Variants in LMX1A observed in about 807,000 individuals in gnomAD.
LMX1A encodes LIM homeobox transcription factor 1-alpha.
LMX1A carries 15 observed loss-of-function variants against 49.1 expected under a neutral mutation model. That is an observed-to-expected ratio of 0.31 (90% CI 0.20 to 0.47). LMX1A has a LOEUF of 0.47. Ranked by LOEUF, LMX1A falls within the 20% of genes least tolerant of loss-of-function variation. The pLI is 1.00. For missense variants in LMX1A, 372 were observed against 475.8 expected, an observed-to-expected ratio of 0.78 and a Z score of 2.03; for synonymous variants, 167 against 185.7, an observed-to-expected ratio of 0.90 and a Z score of 0.82.
chr1:165,282,864 T>C (rs1654193574), intron 3 of LMX1A, among the ~76,000 whole-genome samples: 1 of 152,166 alleles, frequency 6.6e-6, no homozygotes, highest in Admixed American at 6.5e-5. Flanking sequence ...GCAGTCAGAG[T>C]AATCTTTTTA....
chr1:165,255,960 G>A (rs571419077), intron 3 of LMX1A, among the ~76,000 whole-genome samples: 55 of 151,144 alleles, frequency 3.6e-4, no homozygotes, highest in African/African-American at 8.1e-4. Context: ...CAACAAGAGC[G>A]AAACTCCGTC....
intron 3 of LMX1A, among the ~76,000 whole-genome samples, chr1:165,337,977 A>G (rs1485224301): frequency 6.6e-6 from 1 of 151,606 alleles, no homozygotes; most frequent in African/African-American, 2.4e-5. Flanking sequence ...GCTGTTGAGG[A>G]TTGATTCACC....
intron 4 of LMX1A, among the ~76,000 whole-genome samples, chr1:165,227,529 A>G (rs1652077034): frequency 6.7e-6 from 1 of 149,832 alleles, no homozygotes; most frequent in Non-Finnish European, 1.5e-5. Flanking sequence ...CAACAGAGTG[A>G]GACCCTATCT....
At chr1:165,314,505 T>A (rs1237329120) in intron 3 of LMX1A, among the ~76,000 whole-genome samples, 1 of 152,212 alleles carries the variant, frequency 6.6e-6, no homozygotes, top group African/African-American at 2.4e-5. Context: ...TGGTCCCCCA[T>A]CTTATTGACC....
At chr1:165,258,188 G>T (rs1653312457) in intron 3 of LMX1A, among the ~76,000 whole-genome samples, 1 of 152,252 alleles carries the variant, frequency 6.6e-6, no homozygotes, top group African/African-American at 2.4e-5. Flanking sequence ...CAGAGACAGG[G>T]ATTGGCCATA....
intron 3 of LMX1A, among the ~76,000 whole-genome samples, chr1:165,305,296 G>A (rs1056129167): frequency 2.6e-5 from 4 of 152,184 alleles, no homozygotes; most frequent in Non-Finnish European, 5.9e-5. Flanking sequence ...CAGGATCCTG[G>A]AGAAAGGGCC....
At chr1:165,262,812 C>A (rs1483730756) in intron 3 of LMX1A, among the ~76,000 whole-genome samples, 1 of 151,818 alleles carries the variant, frequency 6.6e-6, no homozygotes, top group East Asian at 1.9e-4. Context: ...TATCTGATGG[C>A]CTTTGTAGAA....
Position 165,356,708 on chromosome 1 carries a change from C to A in LMX1A, c.-376G>T. The A allele has an allele frequency of 6.6e-6, 1 of 152,432 alleles. No homozygotes were observed. The highest frequency in any genetic ancestry group is 1.5e-5 in the Non-Finnish European group (1 of 68,146). 9.4% of individuals were successfully genotyped at this position (152,432 alleles called of 1,614,324 possible). ...CCCTGCTTCGCCGGGGCGGATCCTGCAGCTTCTGACAGGGGCCGCGGCGCT... is the reference window on the plus strand; with the variant it reads ...CCCTGCTTCGCCGGGGCGGATCCTGAAGCTTCTGACAGGGGCCGCGGCGCT... On this transcript the variant is annotated 5_prime_UTR_variant, in exon 1 of 9. Coordinates refer to ENST00000342310, the MANE Select transcript of LMX1A (RefSeq NM_177398.4).
In LMX1A at chr1:165,262,522, A is replaced by C. The variant is rs192949521; in HGVS notation, c.264-12882T>G. Among the ~76,000 whole-genome samples the C allele has an allele frequency of 2.6e-3, 401 of 152,332 alleles. 4 individuals are homozygous for C. The highest frequency in any genetic ancestry group is 9.0e-3 in the African/African-American group (376 of 41,570). ...CTCTATTAAAATTAGTCAAGACAGA[A>C]TTATATGATGCCAAATGCAATCCTG... On this transcript the variant is annotated intron_variant, in intron 3 of 8. Coordinates refer to ENST00000342310, the MANE Select transcript of LMX1A (RefSeq NM_177398.4).
intron 3 of LMX1A, among the ~76,000 whole-genome samples, chr1:165,328,306 T>A (rs546355611): frequency 6.6e-6 from 1 of 152,344 alleles, no homozygotes; most frequent in Admixed American, 6.5e-5. Context: ...CATAAACAGA[T>A]CACATAAAGA....
chr1:165,205,623 C>T (rs1372487400), intron 8 of LMX1A, among the ~76,000 whole-genome samples: 1 of 152,166 alleles, frequency 6.6e-6, no homozygotes, highest in Non-Finnish European at 1.5e-5. Flanking sequence ...CACAACTTCC[C>T]ATTTAAAACC....
intron 3 of LMX1A, among the ~76,000 whole-genome samples, chr1:165,264,929 C>CGCG (rs1406209077): frequency 6.6e-6 from 1 of 151,794 alleles, no homozygotes; most frequent in Admixed American, 6.6e-5. Context: ...GAAGGCCGGG[C>CGCG]GCGGTGGCTC....
intron 3 of LMX1A, among the ~76,000 whole-genome samples, chr1:165,257,440 TA>T (rs35281158): frequency 8.7e-5 from 13 of 149,608 alleles, no homozygotes; most frequent in East Asian, 2.0e-4. Context: ...AGGCAGGAGT[TA>T]AAAAAAAAAG....
At chr1:165,313,964 G>A (rs1655148900) in intron 3 of LMX1A, among the ~76,000 whole-genome samples, 1 of 152,194 alleles carries the variant, frequency 6.6e-6, no homozygotes, top group Non-Finnish European at 1.5e-5. Flanking sequence ...TCAGAAATCA[G>A]GGCTGAGCTC....
chr1:165,288,021 G>A (rs982819051), intron 3 of LMX1A, among the ~76,000 whole-genome samples: 136 of 152,312 alleles, frequency 8.9e-4, no homozygotes, highest in African/African-American at 3.2e-3. Context: ...TAAAACTGAA[G>A]TGTGTTAAAC....
At chr1:165,330,657 G>C (rs1334813860) in intron 3 of LMX1A, among the ~76,000 whole-genome samples, 1 of 152,168 alleles carries the variant, frequency 6.6e-6, no homozygotes, top group African/African-American at 2.4e-5. Context: ...CATGGAAGAA[G>C]GAACTGGAAC....
rs79983522 is a variant in LMX1A at position 165,343,709 on chromosome 1, G to A, written c.263+9367C>T. Among the ~76,000 whole-genome samples, 1,472 of 152,152 alleles carry A rather than the reference G, an allele frequency of 9.7e-3. 16 individuals are homozygous for A. The highest frequency in any genetic ancestry group is 0.033 in the African/African-American group (1,376 of 41,506). On this transcript the variant is annotated intron_variant, in intron 3 of 8. Transcript: ENST00000342310. ...GGAAGATCCCAACCAAAGACAAAGC[G>A]TAAAGAAAATAAAGCCCATAAGAAA...
At chr1:165,246,767 C>A (rs1178981049) in intron 4 of LMX1A, among the ~76,000 whole-genome samples, 2 of 113,354 alleles carry the variant, frequency 1.8e-5, no homozygotes, top group Non-Finnish European at 3.9e-5. Context: ...ACAATTCCTT[C>A]ATTTGATATG....
At chr1:165,290,821 C>A (rs955676657) in intron 3 of LMX1A, among the ~76,000 whole-genome samples, 1 of 152,138 alleles carries the variant, frequency 6.6e-6, no homozygotes, top group African/African-American at 2.4e-5. Flanking sequence ...TAAATTCTTG[C>A]CCCCCACCCA....
Sources: allele counts gnomAD v4.1 joint callset (sites outside exome capture counted in the v4.1 genomes callset), GRCh38; gene constraint gnomAD v4.1.1; transcripts MANE v1.5; gene names NCBI Gene and HGNC (gene_info 2026-07-23, HGNC 2026-07-21).